The following CSMD1 variants were observed in gnomAD, a reference collection of about 807,000 sequenced individuals.
CSMD1 encodes the protein CUB and Sushi multiple domains 1.
In CSMD1, 213 loss-of-function variants were observed where a neutral mutation model predicts 417.5. The observed-to-expected ratio is 0.51, with a 90% CI of 0.46 to 0.57. The LOEUF is 0.57. Among genes scored for constraint, CSMD1 ranks in the 20% least tolerant of loss-of-function variants. CSMD1 has a pLI of 0.00. For synonymous variants in CSMD1, 2,862 were observed against 1,736.8 expected, an observed-to-expected ratio of 1.65 and a Z score of -16.11; for missense variants, 6,923 against 4,529.7, an observed-to-expected ratio of 1.53 and a Z score of -15.17.
chr8:3,754,046 G>A lies in CSMD1; in HGVS notation c.819-4C>T, dbSNP rs149896549. The stretch of plus-strand genomic sequence containing the variant: ...GGGGAGGTTCATGCCAGTTAGCCTA[G>A]AGAAGAGAAAGAGGAAAAAAATCTC... On this transcript the variant is annotated splice_region_variant and splice_polypyrimidine_tract_variant and intron_variant, in intron 5 of 69. Coordinates refer to ENST00000635120, the MANE Select transcript of CSMD1 (RefSeq NM_033225.6). 19 of 1,604,172 alleles carry A rather than the reference G, an allele frequency of 1.2e-5. No individual in the cohort carries two copies. The highest frequency in any genetic ancestry group is 1.4e-5 in the Non-Finnish European group (17 of 1,172,844).
chr8:4,183,169 T>C (rs939830475), intron 3 of CSMD1, among the ~76,000 whole-genome samples: 16 of 152,138 alleles, frequency 1.1e-4, no homozygotes, highest in African/African-American at 3.6e-4. Flanking sequence ...GTAAGTGCAG[T>C]ATAGCCCTAG....
rs768418862 is a variant in CSMD1 at position 3,476,619 on chromosome 8, G to A, written c.1449-7795C>T. On this transcript the variant is annotated intron_variant, in intron 11 of 69. Transcript: ENST00000635120. ...ACATTCTCACACCCCAAAATTACAAGGATAAATAATGAATCAGCCAGGCTT... is the reference window on the plus strand; with the variant it reads ...ACATTCTCACACCCCAAAATTACAAAGATAAATAATGAATCAGCCAGGCTT... Among the ~76,000 whole-genome samples, 5 of 151,996 alleles carry A rather than the reference G, an allele frequency of 3.3e-5. No homozygotes were observed. In the East Asian group the frequency reaches 5.8e-4, roughly 18 times the overall value.
chr8:4,186,870 C>T (rs1429493211), intron 3 of CSMD1, among the ~76,000 whole-genome samples: 3 of 150,566 alleles, frequency 2.0e-5, no homozygotes, highest in Non-Finnish European at 2.9e-5. Context: ...GTGTTGAGTG[C>T]CTGTAGTCCC....
chr8:4,718,040 C>A (rs1563210029), intron 1 of CSMD1, among the ~76,000 whole-genome samples: 1 of 152,140 alleles, frequency 6.6e-6, no homozygotes, highest in Admixed American at 6.5e-5. Flanking sequence ...GGCAGTGGCA[C>A]AATCACAGCT....
intron 10 of CSMD1, among the ~76,000 whole-genome samples, chr8:3,514,662 T>A (rs1167388682): frequency 1.3e-5 from 2 of 152,058 alleles, no homozygotes; most frequent in Non-Finnish European, 2.9e-5. Context: ...ACATTTCAAA[T>A]TTTTTTTATC....
chr8:4,020,346 T>C (rs1342993104), intron 4 of CSMD1, among the ~76,000 whole-genome samples: 1 of 152,226 alleles, frequency 6.6e-6, no homozygotes, highest in Non-Finnish European at 1.5e-5. Context: ...CTTCTTTCTG[T>C]GCTCAAGACT....
intron 2 of CSMD1, among the ~76,000 whole-genome samples, chr8:4,473,683 G>A (rs753916645): frequency 6.6e-6 from 1 of 152,150 alleles, no homozygotes; most frequent in African/African-American, 2.4e-5. Context: ...CTAGGTAACT[G>A]TCAAAATTAA....
chr8:4,967,618 G>T (rs547994108), intron 1 of CSMD1, among the ~76,000 whole-genome samples: 1 of 151,962 alleles, frequency 6.6e-6, no homozygotes, highest in African/African-American at 2.4e-5. Context: ...CCTATACTTC[G>T]GTTCTATGTT....
intron 3 of CSMD1, among the ~76,000 whole-genome samples, chr8:4,340,691 G>C (rs1011657601): frequency 6.6e-6 from 1 of 151,996 alleles, no homozygotes; most frequent in South Asian, 2.1e-4. Flanking sequence ...GAGTTTATTA[G>C]AAGTACATTT....
chr8:4,992,428 G>C (rs1188408555), intron 1 of CSMD1, among the ~76,000 whole-genome samples: 4 of 152,240 alleles, frequency 2.6e-5, no homozygotes, highest in Non-Finnish European at 5.9e-5. Flanking sequence ...CAGAGGCTGA[G>C]TTGCCTGCCT....
chr8:3,458,432 C>T (rs986558412), intron 12 of CSMD1, among the ~76,000 whole-genome samples: 1 of 152,136 alleles, frequency 6.6e-6, no homozygotes, highest in African/African-American at 2.4e-5. Context: ...TGATATTTTT[C>T]TTAAAGTTAA....
intron 1 of CSMD1, among the ~76,000 whole-genome samples, chr8:4,681,353 A>G (rs893584051): frequency 4.1e-4 from 62 of 152,172 alleles, no homozygotes; most frequent in Non-Finnish European, 1.3e-4. Context: ...AACCACCAAT[A>G]TGGTTTGCTA....
At position 3,408,152 on chromosome 8, in the gene CSMD1, G is replaced by A. The variant is rs781571644; in HGVS notation, c.1818C>T (p.Asn606=). The change falls in exon 14 of 70, where the codon AAC becomes AAT. Residue 606 remains asparagine, a synonymous_variant. Coordinates refer to ENST00000635120, the MANE Select transcript of CSMD1 (RefSeq NM_033225.6). ...LSPNYPEEYG[N]NMNCVWLIIS... Reference sequence around the variant, plus strand: ...TAATCAACCAGACACAGTTCATGTTGTTCCCATATTCCTCTGGATAATTTG... The same window carrying A: ...TAATCAACCAGACACAGTTCATGTTATTCCCATATTCCTCTGGATAATTTG... 1.7e-5 allele frequency: 27 copies of A among 1,613,246 alleles called. No homozygotes were observed. The highest frequency in any genetic ancestry group is 2.2e-5 in the East Asian group (1 of 44,870).
chr8:4,807,081 T>C (rs536427594), intron 1 of CSMD1, among the ~76,000 whole-genome samples: 2 of 152,340 alleles, frequency 1.3e-5, no homozygotes, highest in African/African-American at 2.4e-5. Context: ...ATTTTTATTC[T>C]TTTTAACCAC....
At chr8:3,671,591 A>G (rs575253378) in intron 7 of CSMD1, among the ~76,000 whole-genome samples, 1,608 of 108,998 alleles carry the variant, frequency 0.015, 112 homozygotes, top group Non-Finnish European at 0.021. Context: ...ATATATATAT[A>G]TATGATTAGT....
intron 1 of CSMD1, among the ~76,000 whole-genome samples, chr8:4,832,828 C>A (rs369416301): frequency 1.3e-5 from 2 of 152,020 alleles, no homozygotes; most frequent in Non-Finnish European, 2.9e-5. Context: ...TCATCTCATA[C>A]CCTGTGATAA....
At chr8:3,814,630 C>G (rs914750493) in intron 5 of CSMD1, among the ~76,000 whole-genome samples, 5 of 152,152 alleles carry the variant, frequency 3.3e-5, no homozygotes, top group African/African-American at 1.2e-4. Flanking sequence ...AGAACGGCCT[C>G]CCAAACAAAG....
chr8:4,742,000 CTTTT>C (rs71209120), intron 1 of CSMD1, among the ~76,000 whole-genome samples: 1 of 73,816 alleles, frequency 1.4e-5, no homozygotes, highest in Non-Finnish European at 2.7e-5. Context: ...ACCACACCCA[CTTTT>C]TTTTTTTTTT....
intron 3 of CSMD1, among the ~76,000 whole-genome samples, chr8:4,110,753 A>G (rs902551150): frequency 7.2e-5 from 11 of 152,072 alleles, no homozygotes; most frequent in Non-Finnish European, 1.3e-4. Flanking sequence ...GAGGTTCATG[A>G]ACTCAGATTA....
Sources: gnomAD v4.1 joint callset for allele counts (sites outside exome capture counted in the v4.1 genomes callset) on GRCh38, gnomAD v4.1.1 for gene constraint, MANE v1.5 for transcripts, NCBI Gene and HGNC (gene_info 2026-07-23, HGNC 2026-07-21) for gene names.